The following ZDHHC14 variants were observed in gnomAD, a reference collection of about 807,000 sequenced individuals.
ZDHHC14 encodes zDHHC palmitoyltransferase 14.
ZDHHC14 carries 16 observed loss-of-function variants against 47.7 expected under a neutral mutation model. That is an observed-to-expected ratio of 0.34 (90% CI 0.23 to 0.51). ZDHHC14 has a LOEUF of 0.51. ZDHHC14 is among the 20% of genes least tolerant of loss of function. The pLI is 0.97. For missense variants in ZDHHC14, 515 were observed against 662.5 expected, an observed-to-expected ratio of 0.78 and a Z score of 2.44; for synonymous variants, 293 against 278.9, an observed-to-expected ratio of 1.05 and a Z score of -0.50.
chr6:157,651,819 G>C (rs1050880102), intron 7 of ZDHHC14, among the ~76,000 whole-genome samples: 3 of 152,056 alleles, frequency 2.0e-5, no homozygotes, highest in Non-Finnish European at 4.4e-5. Context: ...TGATCTGCCC[G>C]CCTTGGCCTC....
chr6:157,492,228 C>A (rs1412368043), intron 1 of ZDHHC14, among the ~76,000 whole-genome samples: 2 of 145,176 alleles, frequency 1.4e-5, no homozygotes, highest in East Asian at 3.9e-4. Flanking sequence ...CTGTAGTCTC[C>A]CTGTGCACTC....
At chr6:157,481,385 T>G (rs141820597) in intron 1 of ZDHHC14, among the ~76,000 whole-genome samples, 441 of 147,632 alleles carry the variant, frequency 3.0e-3, no homozygotes, top group African/African-American at 0.01. Flanking sequence ...TTTCCGCATG[T>G]GATGCGACTG....
chr6:157,632,607 G>GA (rs937666093), intron 4 of ZDHHC14: 7 of 575,232 alleles, frequency 1.2e-5, no homozygotes, highest in African/African-American at 1.1e-4. Flanking sequence ...TGCTTTTATT[G>GA]AAAAAATACC....
Position 157,382,046 on chromosome 6 carries a change from A to C in ZDHHC14, c.25A>C (p.Met9Leu). The part of the protein sequence containing the change: MPPGGGGP[M>L]KDCEYSQIST... ...GATGCCTCCCGGCGGCGGCGGGCCC[A>C]TGAAAGACTGCGAGTACAGCCAGAT... The change falls in exon 1 of 9, where the codon ATG becomes CTG. Residue 9 changes from methionine to leucine, a missense_variant. By Grantham distance (15) the Met-to-Leu change is conservative. Around this residue, in one of 4 missense-constraint regions of ZDHHC14, gnomAD observed 59 missense variants for 57.7 expected, o/e 1.02. Transcript: ENST00000359775. The C allele has an allele frequency of 6.4e-7, 1 of 1,569,548 alleles. No homozygotes were observed. Among genetic ancestry groups the C allele is most frequent in the Non-Finnish European group, 8.6e-7 (1 of 1,160,766 alleles).
At chr6:157,383,770 A>G (rs1271287473) in intron 1 of ZDHHC14, among the ~76,000 whole-genome samples, 2 of 152,142 alleles carry the variant, frequency 1.3e-5, no homozygotes, top group African/African-American at 2.4e-5. Context: ...TGACACTAGT[A>G]GGTAGAGTCA....
At chr6:157,473,128 A>T (rs1779392556) in intron 1 of ZDHHC14, among the ~76,000 whole-genome samples, 1 of 152,170 alleles carries the variant, frequency 6.6e-6, no homozygotes, top group Non-Finnish European at 1.5e-5. Flanking sequence ...AGACTATTTA[A>T]CACATATATT....
At chr6:157,558,463 C>A (rs1782569508) in intron 2 of ZDHHC14, among the ~76,000 whole-genome samples, 1 of 152,176 alleles carries the variant, frequency 6.6e-6, no homozygotes, top group South Asian at 2.1e-4. Flanking sequence ...AGGGCTGACA[C>A]CCAGCTGTTA....
chr6:157,650,311 A>G (rs1777765123), intron 7 of ZDHHC14, among the ~76,000 whole-genome samples: 2 of 152,026 alleles, frequency 1.3e-5, no homozygotes, highest in Admixed American at 6.5e-5. Context: ...CCCGAGGGTG[A>G]GGGTCCTGGC....
At chr6:157,671,805 C>A (rs1778809764) in intron 8 of ZDHHC14, among the ~76,000 whole-genome samples, 1 of 152,196 alleles carries the variant, frequency 6.6e-6, no homozygotes, top group South Asian at 2.1e-4. Flanking sequence ...GTGGGGAATT[C>A]TAGGCTTTTA....
intron 1 of ZDHHC14, among the ~76,000 whole-genome samples, chr6:157,482,260 CTTTTTTT>C (rs1231434907): frequency 3.6e-4 from 46 of 127,552 alleles, no homozygotes; most frequent in Non-Finnish European, 6.2e-4. Context: ...CTTTTCTTTT[CTTTTTTT>C]TTTTTTTTTT....
chr6:157,467,515 T>TTTTATTTA (rs139585882), intron 1 of ZDHHC14, among the ~76,000 whole-genome samples: 1,520 of 136,330 alleles, frequency 0.011, 8 homozygotes, highest in Middle Eastern at 0.022. Flanking sequence ...TCATTCCTCA[T>TTTTATTTA]TTTATTTATT....
intron 1 of ZDHHC14, among the ~76,000 whole-genome samples, chr6:157,476,475 A>G (rs576140119): frequency 6.6e-6 from 1 of 152,208 alleles, no homozygotes; most frequent in Non-Finnish European, 1.5e-5. Flanking sequence ...TCTACCTAAC[A>G]TTTAAAGACA....
chr6:157,570,833 A>G (rs1783074336), intron 2 of ZDHHC14, among the ~76,000 whole-genome samples: 1 of 152,058 alleles, frequency 6.6e-6, no homozygotes, highest in African/African-American at 2.4e-5. Context: ...ATATATATAC[A>G]CACACACATA....
At chr6:157,423,097 T>C (rs1778143039) in intron 1 of ZDHHC14, among the ~76,000 whole-genome samples, 1 of 152,244 alleles carries the variant, frequency 6.6e-6, no homozygotes, top group South Asian at 2.1e-4. Context: ...TCAAGGCAGC[T>C]GGCACTTGAA....
chr6:157,592,303 G>A (rs1293330102), intron 2 of ZDHHC14, among the ~76,000 whole-genome samples: 1 of 152,098 alleles, frequency 6.6e-6, no homozygotes, highest in East Asian at 1.9e-4. Context: ...AATTAAAGGT[G>A]CTATTGAGAT....
At chr6:157,421,796 C>T (rs531707313) in intron 1 of ZDHHC14, among the ~76,000 whole-genome samples, 3 of 152,076 alleles carry the variant, frequency 2.0e-5, no homozygotes, top group South Asian at 2.1e-4. Context: ...TTAGTAGAGA[C>T]GGGGTTTCAC....
intron 1 of ZDHHC14, among the ~76,000 whole-genome samples, chr6:157,510,583 C>T (rs1045573311): frequency 2.6e-5 from 4 of 152,248 alleles, no homozygotes; most frequent in Non-Finnish European, 4.4e-5. Flanking sequence ...TGCTGCTCTT[C>T]CAGGGCCTCC....
At chr6:157,535,102 G>C (rs1267913142) in intron 1 of ZDHHC14, among the ~76,000 whole-genome samples, 2 of 152,136 alleles carry the variant, frequency 1.3e-5, no homozygotes, top group Non-Finnish European at 2.9e-5. Context: ...TTAAGAGTAA[G>C]GACACTAACT....
intron 3 of ZDHHC14, among the ~76,000 whole-genome samples, chr6:157,603,718 G>C (rs1403753997): frequency 3.3e-5 from 5 of 152,198 alleles, no homozygotes; most frequent in African/African-American, 9.7e-5. Context: ...GCTCGGCCCC[G>C]GGCGTTGGTT....
Sources: gnomAD v4.1 joint callset for allele counts (sites outside exome capture counted in the v4.1 genomes callset) on GRCh38, gnomAD v4.1.1 for gene constraint, gnomAD v4.1.1 regional missense constraint, MANE v1.5 for transcripts, NCBI Gene and HGNC (gene_info 2026-07-23, HGNC 2026-07-21) for gene names.